TACC1: variants seen among roughly 807,000 people sequenced by gnomAD.
The protein encoded by TACC1 is transforming acidic coiled-coil containing protein 1.
TACC1 carries 48 observed loss-of-function variants against 84.4 expected under a neutral mutation model. The ratio of observed to expected loss-of-function variants is 0.57; its 90% CI spans 0.45 to 0.72. TACC1 has a LOEUF of 0.72. Ranked by LOEUF, TACC1 falls within the 30% of genes least tolerant of loss-of-function variation. TACC1 has a pLI of 0.00. For missense variants in TACC1, 920 were observed against 973.0 expected, an observed-to-expected ratio of 0.95 and a Z score of 0.72; for synonymous variants, 372 against 376.3, an observed-to-expected ratio of 0.99 and a Z score of 0.13.
chr8:38,794,392 C>T (rs1389831567), intron 2 of TACC1, among the ~76,000 whole-genome samples: 1 of 152,166 alleles, frequency 6.6e-6, no homozygotes, highest in Non-Finnish European at 1.5e-5. Flanking sequence ...CCACCTTGGC[C>T]TCCCAAAGTG....
intron 9 of TACC1, among the ~76,000 whole-genome samples, chr8:38,841,736 G>A (rs1299488640): frequency 6.6e-6 from 1 of 152,130 alleles, no homozygotes; most frequent in African/African-American, 2.4e-5. Context: ...TTGGTGCAGG[G>A]TTCTTACTCT....
chr8:38,735,605 C>T (rs560300378), intron 1 of TACC1, among the ~76,000 whole-genome samples: 8 of 152,142 alleles, frequency 5.3e-5, no homozygotes, highest in Non-Finnish European at 1.0e-4. Flanking sequence ...AGCAACCACC[C>T]CCTGCACTCA....
At chr8:38,822,205 A>T (rs1196684647) in intron 3 of TACC1, among the ~76,000 whole-genome samples, 1 of 143,988 alleles carries the variant, frequency 6.9e-6, no homozygotes, top group Non-Finnish European at 1.5e-5. Context: ...TGATTATGCC[A>T]TTGTACTCCA....
At chr8:38,762,227 C>G (rs1442586333) in intron 3 of TACC1, among the ~76,000 whole-genome samples, 1 of 152,170 alleles carries the variant, frequency 6.6e-6, no homozygotes, top group African/African-American at 2.4e-5. Flanking sequence ...ATTTCCAGAA[C>G]TTTTTCAGCA....
chr8:38,788,673 G>A (rs781765387), intron 1 of TACC1, 31 bp from the exon 2 acceptor site: 2 of 1,498,046 alleles, frequency 1.3e-6, no homozygotes, highest in South Asian at 1.2e-5. Context: ...ACCGTTGAAA[G>A]TGGTAATTCC....
At chr8:38,838,605 C>T in intron 8 of TACC1, 59 bp downstream of exon 8, 1 of 1,365,276 alleles carries the variant, frequency 7.3e-7, no homozygotes. Context: ...AGATTTGATA[C>T]AGATGAAGTG....
chr8:38,823,671 A>G (rs1337532012), intron 3 of TACC1, among the ~76,000 whole-genome samples: 1 of 152,148 alleles, frequency 6.6e-6, no homozygotes, highest in Admixed American at 6.5e-5. Context: ...GCCTTATGCA[A>G]TCAAAAATCT....
chr8:38,825,361 G>A lies in TACC1; in HGVS notation c.1445G>A (p.Cys482Tyr). The A allele has an allele frequency of 6.2e-7, 1 of 1,614,158 alleles. No individual in the cohort carries two copies. The highest frequency in any genetic ancestry group is 2.2e-5 in the East Asian group (1 of 44,886). The change falls in exon 4 of 13, where the codon TGT becomes TAT. Residue 482 changes from cysteine to tyrosine, a missense_variant. Around this residue, in one of 2 missense-constraint regions of TACC1, gnomAD observed 762 missense variants for 747.3 expected, o/e 1.02. Coordinates refer to ENST00000317827, the MANE Select transcript of TACC1 (RefSeq NM_006283.3). ...HETQSLALDACSRDEGAVISQ... is the reference protein window; with the variant it reads ...HETQSLALDAYSRDEGAVISQ... Reference sequence around the variant, plus strand: ...ACTCAGTCTCTCGCCCTGGATGCATGTTCTCGGGTGAGTCTGTGCCCATCT... The same window carrying A: ...ACTCAGTCTCTCGCCCTGGATGCATATTCTCGGGTGAGTCTGTGCCCATCT...
intron 3 of TACC1, among the ~76,000 whole-genome samples, chr8:38,746,165 G>T (rs1376202408): frequency 6.6e-6 from 1 of 152,104 alleles, no homozygotes; most frequent in African/African-American, 2.4e-5. Flanking sequence ...AGGAGGTTTT[G>T]TAGCTCTCTA....
At chr8:38,737,036 AT>A (rs755110423) in intron 1 of TACC1, among the ~76,000 whole-genome samples, 7 of 152,138 alleles carry the variant, frequency 4.6e-5, no homozygotes, top group Non-Finnish European at 1.0e-4. Flanking sequence ...CAAGGGTTGG[AT>A]CCTAGAGGTC....
At chr8:38,825,398 C>T (rs750367803) in intron 4 of TACC1, 30 bp downstream of exon 4, 7 of 1,613,304 alleles carry the variant, frequency 4.3e-6, no homozygotes, top group Non-Finnish European at 5.9e-6. Context: ...CAGAATGTCT[C>T]TGAGACCAGG....
chr8:38,735,075 GATGC>G (rs1448434661), intron 1 of TACC1, among the ~76,000 whole-genome samples: 3 of 152,252 alleles, frequency 2.0e-5, no homozygotes, highest in Non-Finnish European at 4.4e-5. Flanking sequence ...GGCCTGAATA[GATGC>G]ATCTTAGTTC....
At chr8:38,782,671 A>G (rs997591866), upstream of TACC1, among the ~76,000 whole-genome samples, 3 of 152,262 alleles carry the variant, frequency 2.0e-5, no homozygotes, top group African/African-American at 7.2e-5. Context: ...CCTGTTTAAC[A>G]GGCTCTGTAA....
intron 2 of TACC1, among the ~76,000 whole-genome samples, chr8:38,796,530 A>G (rs1261075581): frequency 2.0e-5 from 3 of 152,232 alleles, no homozygotes; most frequent in African/African-American, 7.2e-5. Context: ...TGAAGTATGA[A>G]ATGTATTTTA....
rs932160 is a variant in TACC1 at position 38,842,193 on chromosome 8, C to T, written c.1961-94C>T. ...AAGAGCGGGAATTTGGTCACATCCCCGGCTGTGTCCCTACCACGAGAACAC... is the reference window on the plus strand; with the variant it reads ...AAGAGCGGGAATTTGGTCACATCCCTGGCTGTGTCCCTACCACGAGAACAC... On this transcript the variant is annotated intron_variant, in intron 9 of 12. Transcript: ENST00000317827. 7,049 of 1,440,776 alleles carry T rather than the reference C, an allele frequency of 4.9e-3. 256 individuals are homozygous for T. In the African/African-American group the frequency reaches 0.087, roughly 18 times the overall value. The allele number at this position is 1,440,776 out of a possible 1,614,324, so 89.2% of individuals were successfully genotyped here.
intron 2 of TACC1, among the ~76,000 whole-genome samples, chr8:38,743,668 G>A (rs1256446659): frequency 6.6e-6 from 1 of 152,134 alleles, no homozygotes; most frequent in Non-Finnish European, 1.5e-5. Context: ...CTGGCTGAGT[G>A]TCATAGAAAC....
At chr8:38,754,360 T>G (rs1300557897) in intron 3 of TACC1, among the ~76,000 whole-genome samples, 2 of 152,150 alleles carry the variant, frequency 1.3e-5, no homozygotes, top group Non-Finnish European at 2.9e-5. Flanking sequence ...GAAGGAAAAC[T>G]TTCCCATTCT....
rs1564007823 is a variant in TACC1, at chr8:38,848,034, C to T, written c.*11C>T. ...GGAAAGACTGACTGAGACACTCCCC[C>T]TGTTAGCTCAACAGATCTGCATTTG... On this transcript the variant is annotated 3_prime_UTR_variant, in exon 13 of 13. Coordinates refer to ENST00000317827, the MANE Select transcript of TACC1 (RefSeq NM_006283.3). 2 of 1,610,100 alleles carry T rather than the reference C, an allele frequency of 1.2e-6. No individual in the cohort carries two copies. Among genetic ancestry groups the T allele is most frequent in the Admixed American group, 3.3e-5 (2 of 59,898 alleles).
intron 3 of TACC1, among the ~76,000 whole-genome samples, chr8:38,779,841 TCCTCCTGAG>T (rs1303711520): frequency 1.3e-5 from 2 of 152,256 alleles, no homozygotes; most frequent in African/African-American, 2.4e-5. Context: ...AACAATACTT[TCCTCCTGAG>T]ATTGTAGGAG....
Sources: gnomAD v4.1 joint callset for allele counts (sites outside exome capture counted in the v4.1 genomes callset) on GRCh38, gnomAD v4.1.1 for gene constraint, gnomAD v4.1.1 regional missense constraint, MANE v1.5 for transcripts, NCBI Gene and HGNC (gene_info 2026-07-23, HGNC 2026-07-21) for gene names.